The following OPN3 variants were observed in gnomAD, a reference collection of about 807,000 sequenced individuals.
OPN3 encodes opsin 3.
In OPN3, 29 loss-of-function variants were observed where a neutral mutation model predicts 33.8. That is an observed-to-expected ratio of 0.86 (90% CI 0.64 to 1.17). OPN3 has a LOEUF of 1.17. Ranked by LOEUF, OPN3 falls within the 50% of genes most tolerant of loss-of-function variation. The probability of loss-of-function intolerance (pLI) is 0.00; values close to 1 mark genes in which losing one functional copy is unlikely to be tolerated. For synonymous variants in OPN3, 216 were observed against 216.1 expected, an observed-to-expected ratio of 1.00 and a Z score of 0.00; for missense variants, 437 against 514.1, an observed-to-expected ratio of 0.85 and a Z score of 1.45.
At chr1:241,634,623 G>A (rs746405074) in intron 1 of OPN3, 14 of 1,613,692 alleles carry the variant, frequency 8.7e-6, no homozygotes, top group South Asian at 2.2e-5. Context: ...ATTTCTCCTT[G>A]GCCATACAAG....
intron 1 of OPN3, among the ~76,000 whole-genome samples, chr1:241,620,808 A>G (rs1328703054): frequency 6.6e-6 from 1 of 152,222 alleles, no homozygotes; most frequent in Non-Finnish European, 1.5e-5. Flanking sequence ...AACTAGCTAC[A>G]TTTCAAGAGC....
chr1:241,605,065 A>AAAAT (rs1553354030), intron 1 of OPN3, among the ~76,000 whole-genome samples: 19 of 143,214 alleles, frequency 1.3e-4, no homozygotes, highest in South Asian at 4.4e-4. Context: ...CAAAAAAAAA[A>AAAAT]AAAATAAAAT....
chr1:241,624,619 T>C (rs758203465), intron 1 of OPN3, among the ~76,000 whole-genome samples: 2 of 152,212 alleles, frequency 1.3e-5, no homozygotes, highest in Non-Finnish European at 2.9e-5. Context: ...TTCAGAGAGT[T>C]ACTGAGCCTT....
In OPN3 at chr1:241,604,453, G is replaced by A. The variant is rs12072790; in HGVS notation, c.500C>T (p.Ala167Val). Residue 167 changes from alanine to valine, a missense_variant, in exon 2 of 4, where the codon GCG becomes GTG. Physicochemically the swap from Ala to Val is moderately conservative, Grantham distance 64 (BLOSUM62 0). Transcript: ENST00000366554. ...AITYIWLYSL[A>V]WAGAPLLGWN... ...TCCCAGGAGAGGTGCTCCTGCCCACGCCAGTGAGTAGAGCCAGATGTAGGT... is the reference window on the plus strand; with the variant it reads ...TCCCAGGAGAGGTGCTCCTGCCCACACCAGTGAGTAGAGCCAGATGTAGGT... 2,744 of 1,614,140 alleles carry A rather than the reference G, an allele frequency of 1.7e-3. 38 individuals are homozygous for A. In the African/African-American group the frequency reaches 0.032, roughly 19 times the overall value.
intron 1 of OPN3, among the ~76,000 whole-genome samples, chr1:241,613,571 A>AT (rs892510428): frequency 6.6e-6 from 1 of 152,162 alleles, no homozygotes; most frequent in Non-Finnish European, 1.5e-5. Context: ...AGAAGAAGTC[A>AT]TTTTTTTAAA....
chr1:241,625,803 T>C (rs1228501870), intron 1 of OPN3, among the ~76,000 whole-genome samples: 1 of 152,192 alleles, frequency 6.6e-6, no homozygotes, highest in Non-Finnish European at 1.5e-5. Context: ...CTTGCTCTAG[T>C]GCAGTTTTTC....
chr1:241,635,046 G>C (rs753279111), intron 1 of OPN3: 2 of 1,613,060 alleles, frequency 1.2e-6, no homozygotes, highest in Non-Finnish European at 1.7e-6. Flanking sequence ...AGCAATCCTT[G>C]AGAATACAGC....
intron 1 of OPN3, chr1:241,635,749 G>C: frequency 7.5e-6 from 12 of 1,609,420 alleles, no homozygotes; most frequent in Non-Finnish European, 1.0e-5. Flanking sequence ...CAAACTCTGT[G>C]GGAAGATTGT....
chr1:241,623,906 A>G (rs1664334818), intron 1 of OPN3, among the ~76,000 whole-genome samples: 1 of 152,216 alleles, frequency 6.6e-6, no homozygotes, highest in Non-Finnish European at 1.5e-5. Flanking sequence ...ACAGTACCTC[A>G]TCCGCTGAAT....
At chr1:241,630,578 A>G (rs1415631679) in intron 1 of OPN3, 2 of 152,054 alleles carry the variant, frequency 1.3e-5, no homozygotes, top group African/African-American at 4.8e-5. Context: ...TACTTTCCTT[A>G]TCTTCCTCAT....
At chr1:241,608,519 G>T (rs553115591) in intron 1 of OPN3, among the ~76,000 whole-genome samples, 118 of 152,274 alleles carry the variant, frequency 7.7e-4, no homozygotes, top group Non-Finnish European at 1.5e-3. Context: ...CAGGGATAGA[G>T]GATAATGTGA....
chr1:241,627,673 C>T (rs1462575521), intron 1 of OPN3, among the ~76,000 whole-genome samples: 1 of 152,192 alleles, frequency 6.6e-6, no homozygotes, highest in Non-Finnish European at 1.5e-5. Flanking sequence ...GCTGGAAGTA[C>T]TGTGCCCCCT....
At chr1:241,618,972 TTA>T (rs139434037) in intron 1 of OPN3, among the ~76,000 whole-genome samples, 57 of 147,746 alleles carry the variant, frequency 3.9e-4, no homozygotes, top group Admixed American at 8.8e-4. Flanking sequence ...GCAGGCTAGT[TTA>T]TATATATATA....
chr1:241,635,769 T>G, intron 1 of OPN3: 1 of 1,606,172 alleles, frequency 6.2e-7, no homozygotes. Flanking sequence ...TCCGCCATTT[T>G]AGGAAGTAAC....
chr1:241,634,429 G>A (rs765127182), intron 1 of OPN3: 32 of 1,613,538 alleles, frequency 2.0e-5, no homozygotes, highest in South Asian at 1.5e-4. Context: ...GCACATTTGA[G>A]CATGTTTCCT....
At chr1:241,633,700 C>G (rs1383361280) in intron 1 of OPN3, 2 of 1,283,474 alleles carry the variant, frequency 1.6e-6, no homozygotes, top group East Asian at 2.3e-5. Flanking sequence ...TCATATATAA[C>G]CACTTCTAAT....
At chr1:241,595,984 A>G (rs1246774533) in intron 3 of OPN3, among the ~76,000 whole-genome samples, 3 of 152,164 alleles carry the variant, frequency 2.0e-5, no homozygotes, top group Non-Finnish European at 2.9e-5. Flanking sequence ...TATCTTTTAG[A>G]CTTCCTGTTT....
intron 1 of OPN3, chr1:241,615,871 CT>C (rs1664111113): frequency 2.2e-6 from 1 of 456,564 alleles, no homozygotes; most frequent in African/African-American, 2.0e-5. Context: ...CAGATAGTGC[CT>C]TGCTGCACTG....
chr1:241,622,513 G>C (rs944227226), intron 1 of OPN3, among the ~76,000 whole-genome samples: 1 of 152,102 alleles, frequency 6.6e-6, no homozygotes, highest in African/African-American at 2.4e-5. Flanking sequence ...CCCAACAATC[G>C]ATTACAATAG....
Sources: gnomAD v4.1 joint callset for allele counts (sites outside exome capture counted in the v4.1 genomes callset) on GRCh38, gnomAD v4.1.1 for gene constraint, MANE v1.5 for transcripts, NCBI Gene and HGNC (gene_info 2026-07-23, HGNC 2026-07-21) for gene names.